The following FRMD4A variants were observed in gnomAD, a reference collection of about 807,000 sequenced individuals.
FRMD4A encodes the protein FERM domain containing 4A.
FRMD4A carries 29 observed loss-of-function variants against 129.1 expected under a neutral mutation model. The observed-to-expected ratio is 0.22, with a 90% CI of 0.17 to 0.31. FRMD4A has a LOEUF of 0.31. Among genes scored for constraint, FRMD4A ranks in the 10% least tolerant of loss-of-function variants. The pLI is 1.00. For synonymous variants in FRMD4A, 634 were observed against 571.6 expected (o/e 1.11, Z -1.56); for missense variants, 1,272 against 1,375.8 (o/e 0.92, Z 1.19).
chr10:13,996,767 G>A (rs1028392824), intron 2 of FRMD4A, among the ~76,000 whole-genome samples: 16 of 152,098 alleles, frequency 1.1e-4, no homozygotes, highest in African/African-American at 3.4e-4. Context: ...AGAACTCCAC[G>A]AGATCTTAGA....
intron 12 of FRMD4A, among the ~76,000 whole-genome samples, chr10:13,737,134 G>A (rs1337996638): frequency 6.6e-6 from 1 of 152,134 alleles, no homozygotes; most frequent in Non-Finnish European, 1.5e-5. Flanking sequence ...CTGTCACCCA[G>A]GCTGGAGTGC....
intron 15 of FRMD4A, among the ~76,000 whole-genome samples, chr10:13,678,019 T>C (rs775009218): frequency 2.0e-4 from 31 of 152,220 alleles, no homozygotes; most frequent in Non-Finnish European, 1.5e-4. Flanking sequence ...TGTTCTGGAA[T>C]GGCACAAATT....
At chr10:13,971,758 A>T (rs1172407500) in intron 2 of FRMD4A, 3 of 1,304,026 alleles carry the variant, frequency 2.3e-6, no homozygotes, top group East Asian at 1.1e-4. Context: ...TCAGGTTCCA[A>T]CTCCACGGTG....
At chr10:13,859,071 T>G (rs897260597) in intron 2 of FRMD4A, among the ~76,000 whole-genome samples, 159 bp from the exon 3 acceptor site, 1 of 152,168 alleles carries the variant, frequency 6.6e-6, no homozygotes, top group Non-Finnish European at 1.5e-5. Flanking sequence ...ATCAGTTCAT[T>G]CATTCATTCA....
intron 2 of FRMD4A, among the ~76,000 whole-genome samples, chr10:14,138,050 G>C (rs532827604): frequency 6.6e-6 from 1 of 152,164 alleles, no homozygotes; most frequent in African/African-American, 2.4e-5. Context: ...CATCCCATTA[G>C]GTAAGCAAAT....
chr10:13,669,588 T>G (rs1589286498), intron 17 of FRMD4A, among the ~76,000 whole-genome samples: 1 of 152,226 alleles, frequency 6.6e-6, no homozygotes, highest in Non-Finnish European at 1.5e-5. Context: ...CTTTTTCCCC[T>G]GGCTCTAAGT....
chr10:14,062,028 C>T (rs966967783), intron 2 of FRMD4A, among the ~76,000 whole-genome samples: 1 of 152,032 alleles, frequency 6.6e-6, no homozygotes, highest in African/African-American at 2.4e-5. Context: ...ATGTGCATAC[C>T]CTTGGAACAC....
rs2093632838 is a variant in FRMD4A, at chr10:13,821,769, T to C, written c.112-10861A>G. 6.6e-6 allele frequency among the ~76,000 whole-genome samples: 1 copy of C among 151,990 alleles called. No individual in the cohort carries two copies. The highest frequency in any genetic ancestry group is 1.5e-5 in the Non-Finnish European group (1 of 68,002). On this transcript the variant is annotated intron_variant, in intron 3 of 24. Coordinates refer to ENST00000357447, the MANE Select transcript of FRMD4A (RefSeq NM_018027.5). The surrounding 1 kb of genome is among the most constrained non-coding windows in gnomAD (Gnocchi z 4.3). ...CAGGTGGGCATGGGTCACCCAGGATTATAGGAAGAGCCAGAGAGACCATCT... is the reference window on the plus strand; with the variant it reads ...CAGGTGGGCATGGGTCACCCAGGATCATAGGAAGAGCCAGAGAGACCATCT...
intron 2 of FRMD4A, among the ~76,000 whole-genome samples, chr10:14,029,171 A>T (rs1215782989): frequency 6.6e-6 from 1 of 151,952 alleles, no homozygotes; most frequent in Non-Finnish European, 1.5e-5. Flanking sequence ...TCAGATGATC[A>T]TCTCTTTCTC....
At chr10:13,842,245 G>C (rs2093978608) in intron 3 of FRMD4A, among the ~76,000 whole-genome samples, 1 of 152,172 alleles carries the variant, frequency 6.6e-6, no homozygotes, top group Non-Finnish European at 1.5e-5. Context: ...TCTCCTTCCT[G>C]TCTTCTGAGT....
intron 2 of FRMD4A, among the ~76,000 whole-genome samples, chr10:14,279,857 C>A (rs947625964): frequency 1.3e-5 from 2 of 152,254 alleles, no homozygotes; most frequent in Admixed American, 6.5e-5. Context: ...TCTTCTGGGT[C>A]TCTCTAACTC....
intron 2 of FRMD4A, among the ~76,000 whole-genome samples, chr10:14,268,498 A>G (rs1243423204): frequency 1.3e-5 from 2 of 152,106 alleles, no homozygotes; most frequent in East Asian, 3.8e-4. Flanking sequence ...ATATTGTAAG[A>G]CTCCCTCGAT....
rs996035428 is a variant in FRMD4A, at chr10:14,140,101, A to T, written c.45+189957T>A. Among the ~76,000 whole-genome samples, 11 of 152,074 alleles carry T rather than the reference A, an allele frequency of 7.2e-5. No homozygotes were observed. The South Asian group carries it at 2.3e-3, about 32-fold the overall frequency. On this transcript the variant is annotated intron_variant, in intron 2 of 24. Coordinates refer to ENST00000357447, the MANE Select transcript of FRMD4A (RefSeq NM_018027.5). ...TTTTGAGATGGAATCTCACTCTGTT[A>T]CCCAGGCTGGAGTGCACTGGCATGA... is the stretch of plus-strand genomic sequence containing the variant.
At chr10:14,282,147 G>T (rs1032857913) in intron 2 of FRMD4A, among the ~76,000 whole-genome samples, 1 of 152,150 alleles carries the variant, frequency 6.6e-6, no homozygotes, top group African/African-American at 2.4e-5. Flanking sequence ...CAGTATGGGG[G>T]AAACTGCAGC....
chr10:14,112,683 A>T (rs1005655437), intron 2 of FRMD4A, among the ~76,000 whole-genome samples: 1 of 151,994 alleles, frequency 6.6e-6, no homozygotes, highest in Admixed American at 6.6e-5. Flanking sequence ...CTGCCACCAC[A>T]TCTGGCTAAT....
intron 6 of FRMD4A, among the ~76,000 whole-genome samples, chr10:13,764,472 C>T (rs1410335365): frequency 6.6e-6 from 1 of 151,604 alleles, no homozygotes; most frequent in Non-Finnish European, 1.5e-5. Context: ...TGCCACTACA[C>T]TCCAGCCTGG....
chr10:14,329,990 G>T, intron 2 of FRMD4A, 68 bp downstream of exon 2: 1 of 1,426,158 alleles, frequency 7.0e-7, no homozygotes, highest in Non-Finnish European at 9.7e-7. Context: ...AGCGGCAGCA[G>T]CAGCCCACGG....
intron 2 of FRMD4A, among the ~76,000 whole-genome samples, chr10:14,172,366 G>C (rs559885739): frequency 6.6e-6 from 1 of 152,260 alleles, no homozygotes; most frequent in Admixed American, 6.5e-5. Flanking sequence ...TGATGTGAGT[G>C]ATACTGATAA....
intron 2 of FRMD4A, among the ~76,000 whole-genome samples, chr10:14,127,098 A>G (rs1176036518): frequency 6.6e-6 from 1 of 152,210 alleles, no homozygotes; most frequent in Non-Finnish European, 1.5e-5. Context: ...GGTGTGATCC[A>G]AGAGCTGGGA....
Sources: gnomAD v4.1 joint callset for allele counts (sites outside exome capture counted in the v4.1 genomes callset) on GRCh38, gnomAD v4.1.1 for gene constraint, Gnocchi (gnomAD v3.1) non-coding constraint, MANE v1.5 for transcripts, NCBI Gene and HGNC (gene_info 2026-07-23, HGNC 2026-07-21) for gene names.